HAUS2: variants seen among roughly 807,000 people sequenced by gnomAD.
HAUS2 encodes HAUS augmin like complex subunit 2, also known as HAUS augmin-like complex subunit 2.
A neutral mutation model predicts 21.6 loss-of-function variants in HAUS2; 20 were observed. That is an observed-to-expected ratio of 0.93 (90% CI 0.65 to 1.35). The LOEUF (loss-of-function observed/expected upper bound fraction) is 1.35, where lower values mean the gene tolerates loss of function less well. Ranked by LOEUF, HAUS2 falls within the 40% of genes most tolerant of loss-of-function variation. The pLI is 0.00. For missense variants in HAUS2, 297 were observed against 280.7 expected, an observed-to-expected ratio of 1.06 and a Z score of -0.42; for synonymous variants, 113 against 95.6, an observed-to-expected ratio of 1.18 and a Z score of -1.06.
In HAUS2 at chr15:42,568,434, T is replaced by G. The variant is rs1316433232; in HGVS notation, c.*1618T>G. On this transcript the variant is annotated 3_prime_UTR_variant, in exon 6 of 6. Coordinates refer to ENST00000260372, the MANE Select transcript of HAUS2 (RefSeq NM_018097.3). ...TTTTATCATGAGCCCACTCCCAAGA[T>G]AGCAGCACTAATTCATTAATGAGGG... 6.6e-6 allele frequency: 1 copy of G among 152,212 alleles called. No homozygotes were observed. Among genetic ancestry groups the G allele is most frequent in the Non-Finnish European group, 1.5e-5 (1 of 68,036 alleles). The allele number at this position is 152,212 out of a possible 1,614,324, so 9.4% of individuals were successfully genotyped here.
intron 1 of HAUS2, among the ~76,000 whole-genome samples, chr15:42,549,726 G>A (rs1390234734): frequency 2.7e-5 from 4 of 148,182 alleles, no homozygotes; most frequent in Admixed American, 6.8e-5. Flanking sequence ...TGGGATTACA[G>A]GCGTGAGCCA....
intron 2 of HAUS2, 139 bp downstream of exon 2, chr15:42,558,429 G>A (rs1209559514): frequency 1.5e-5 from 8 of 527,420 alleles, no homozygotes; most frequent in Non-Finnish European, 2.7e-5. Context: ...CCAGGTTCAC[G>A]CCGTTCTTCT....
rs1382359316 is a variant in HAUS2, at chr15:42,548,932, A to C, written c.60A>C (p.Leu20=). Residue 20 remains leucine (L), a synonymous_variant, in exon 1 of 6, where the codon CTA becomes CTC. Transcript: ENST00000260372. ...CGCCTAACGGCGCTGGGCTAGTGCT[A>C]GGCCACTTCATAGCTTCGGGGATGG... ...ASAPNGAGLV[L]GHFIASGMVN... The C allele has an allele frequency of 1.1e-5, 17 of 1,551,772 alleles. No individual in the cohort carries two copies. The highest frequency in any genetic ancestry group is 1.3e-5 in the Non-Finnish European group (15 of 1,146,648).
rs768172132 is a variant in HAUS2 at position 42,558,255 on chromosome 15, C to T, written c.151C>T (p.Gln51Ter). The change falls in exon 2 of 6, where the codon CAG becomes TAG. Residue 51 changes from glutamine to a stop codon, truncating the protein, a stop_gained. Coordinates refer to ENST00000260372, the MANE Select transcript of HAUS2 (RefSeq NM_018097.3). LOFTEE classifies it high-confidence loss of function. ...VSCFVNFTRL[Q>*]QITNIQAEIY... ...TTGTTTTGTGAACTTCACCAGACTACAGCAGATCACAAATATTCAAGCTGA... is the reference window on the plus strand; with the variant it reads ...TTGTTTTGTGAACTTCACCAGACTATAGCAGATCACAAATATTCAAGCTGA... The T allele has an allele frequency of 3.4e-6, 5 of 1,467,468 alleles. No individual in the cohort carries two copies. The highest frequency in any genetic ancestry group is 4.7e-6 in the Non-Finnish European group (5 of 1,056,448). 90.9% of individuals were successfully genotyped at this position (1,467,468 alleles called of 1,614,324 possible). A position where few individuals can be genotyped will look rare whatever the true frequency, so the allele number is the denominator to read the frequency against.
At chr15:42,564,887 G>A (rs575346277) in intron 5 of HAUS2, among the ~76,000 whole-genome samples, 12 of 152,326 alleles carry the variant, frequency 7.9e-5, no homozygotes, top group African/African-American at 2.6e-4. Context: ...CCAGGCTGGA[G>A]TGCAATGGCA....
chr15:42,559,475 C>A, intron 3 of HAUS2, 67 bp downstream of exon 3: 1 of 882,164 alleles, frequency 1.1e-6, no homozygotes, highest in Non-Finnish European at 1.9e-6. Context: ...TGTAAATAAG[C>A]ACCAGTCAGT....
intron 3 of HAUS2, chr15:42,560,894 G>C: frequency 1.4e-6 from 1 of 698,362 alleles, no homozygotes; most frequent in Non-Finnish European, 2.6e-6. Flanking sequence ...CACCAGCTAA[G>C]GTGACTCTTT....
chr15:42,560,732 G>A (rs1197597090), intron 3 of HAUS2: 1 of 694,484 alleles, frequency 1.4e-6, no homozygotes, highest in Admixed American at 2.0e-5. Flanking sequence ...AGGACTACTG[G>A]CATGTGCCAC....
intron 5 of HAUS2, among the ~76,000 whole-genome samples, chr15:42,566,127 A>G (rs550567035): frequency 6.6e-6 from 1 of 151,934 alleles, no homozygotes; most frequent in African/African-American, 2.4e-5. Context: ...GCTTGAACCC[A>G]GGAGACGGAG....
chr15:42,551,115 A>C (rs574172529), intron 1 of HAUS2, among the ~76,000 whole-genome samples: 5 of 150,106 alleles, frequency 3.3e-5, no homozygotes, highest in Non-Finnish European at 7.4e-5. Flanking sequence ...CGTGCTCCCG[A>C]GTAGCTGGGA....
chr15:42,552,993 T>TC (rs2141591565), intron 1 of HAUS2, among the ~76,000 whole-genome samples: 1 of 151,752 alleles, frequency 6.6e-6, no homozygotes, highest in East Asian at 1.9e-4. Flanking sequence ...GGATTTTTTT[T>TC]TTTTTTTTTT....
At chr15:42,555,540 A>G (rs780557734) in intron 1 of HAUS2, among the ~76,000 whole-genome samples, 2 of 152,210 alleles carry the variant, frequency 1.3e-5, no homozygotes, top group African/African-American at 4.8e-5. Flanking sequence ...AGGATCATCT[A>G]TGATTATGTT....
chr15:42,557,986 AT>A (rs956679825), intron 1 of HAUS2, among the ~76,000 whole-genome samples: 72 of 149,696 alleles, frequency 4.8e-4, no homozygotes, highest in African/African-American at 1.4e-3. Flanking sequence ...TGTTTCTCTT[AT>A]TTTTTTTTTA....
intron 1 of HAUS2, among the ~76,000 whole-genome samples, chr15:42,555,859 A>T (rs2057767405): frequency 1.3e-5 from 2 of 152,202 alleles, no homozygotes; most frequent in Admixed American, 1.3e-4. Flanking sequence ...GGTTGTATAA[A>T]AGCAGCCAGA....
At chr15:42,564,122 T>C (rs185579309) in intron 5 of HAUS2, among the ~76,000 whole-genome samples, 27 of 151,952 alleles carry the variant, frequency 1.8e-4, no homozygotes, top group Non-Finnish European at 3.7e-4. Flanking sequence ...AAAAATTAGC[T>C]GGGCATGGTG....
intron 1 of HAUS2, among the ~76,000 whole-genome samples, chr15:42,556,249 A>C (rs1595548876): frequency 7.6e-6 from 1 of 131,730 alleles, no homozygotes; most frequent in African/African-American, 3.0e-5. Context: ...GGTGTGAGCC[A>C]CTGCGCCCAG....
rs1416722032 is a variant in HAUS2, at chr15:42,548,899, G to A, written c.27G>A (p.Pro9=). ...TGGCCGCTGCCAACCCGTGGGACCC[G>A]GCGTCCGCGCCTAACGGCGCTGGGC... MAAANPWD[P]ASAPNGAGLV... The change falls in exon 1 of 6, where the codon CCG becomes CCA. Residue 9 remains proline, a synonymous_variant. Coordinates refer to ENST00000260372, the MANE Select transcript of HAUS2 (RefSeq NM_018097.3). 6.4e-7 allele frequency: 1 copy of A among 1,550,776 alleles called. No individual in the cohort carries two copies. Among genetic ancestry groups the A allele is most frequent in the African/African-American group, 1.4e-5 (1 of 73,196 alleles).
intron 4 of HAUS2, 28 bp from the exon 5 acceptor site, chr15:42,563,721 A>C (rs887843049): frequency 9.1e-7 from 1 of 1,096,104 alleles, no homozygotes; most frequent in Non-Finnish European, 1.4e-6. Context: ...ACTTTAAAAA[A>C]TGGTTGACTT....
In HAUS2 at chr15:42,564,004, A is replaced by G. The variant is rs2057879996; in HGVS notation, c.498+147A>G. 18 of 575,010 alleles carry G rather than the reference A, an allele frequency of 3.1e-5. No individual in the cohort carries two copies. The South Asian group carries it at 3.3e-4, about 11-fold the overall frequency. The allele number at this position is 575,010 out of a possible 1,614,324, so 35.6% of individuals were successfully genotyped here. ...TTCTTGGCCTGGCATGGTAGTTCAC[A>G]CCTGTAATCCCTGCACTTTGGGAGG... On this transcript the variant is annotated intron_variant, in intron 5 of 5. Coordinates refer to ENST00000260372, the MANE Select transcript of HAUS2 (RefSeq NM_018097.3).
Sources: gnomAD v4.1 joint callset for allele counts (sites outside exome capture counted in the v4.1 genomes callset) on GRCh38, gnomAD v4.1.1 for gene constraint, MANE v1.5 for transcripts, NCBI Gene and HGNC (gene_info 2026-07-23, HGNC 2026-07-21) for gene names.